Variants in NDUFAF5 observed in about 807,000 individuals in gnomAD.
NDUFAF5 encodes the protein arginine-hydroxylase NDUFAF5, mitochondrial.
A neutral mutation model predicts 48.9 loss-of-function variants in NDUFAF5; 34 were observed. The ratio of observed to expected loss-of-function variants is 0.70; its 90% CI spans 0.53 to 0.93. NDUFAF5 has a LOEUF of 0.93. NDUFAF5 is among the 40% of genes least tolerant of loss of function. The pLI is 0.00. For synonymous variants in NDUFAF5, 153 were observed against 150.6 expected, an observed-to-expected ratio of 1.02 and a Z score of -0.12; for missense variants, 428 against 427.5, an observed-to-expected ratio of 1.00 and a Z score of -0.01.
chr20:13,801,708 A>G lies in NDUFAF5; in HGVS notation c.717+25A>G, dbSNP rs778916896. On this transcript the variant is annotated intron_variant, in intron 7 of 10. Transcript: ENST00000378106. ...GGTAACTATCAAGTTCGATTAACCCATAACTTACACAGTTCAAAAAAGAAC... is the reference window on the plus strand; with the variant it reads ...GGTAACTATCAAGTTCGATTAACCCGTAACTTACACAGTTCAAAAAAGAAC... The G allele has an allele frequency of 7.5e-6, 12 of 1,590,468 alleles. No individual in the cohort carries two copies. In the African/African-American group the frequency reaches 1.5e-4, roughly 20 times the overall value.
chr20:13,802,527 A>C (rs1984331273), intron 7 of NDUFAF5, among the ~76,000 whole-genome samples: 1 of 151,784 alleles, frequency 6.6e-6, no homozygotes, highest in African/African-American at 2.4e-5. Flanking sequence ...AAAATCAGCG[A>C]ATTGTGGTGA....
At chr20:13,793,780 T>A (rs1368890386) in intron 4 of NDUFAF5, among the ~76,000 whole-genome samples, 1 of 152,240 alleles carries the variant, frequency 6.6e-6, no homozygotes, top group African/African-American at 2.4e-5. Context: ...TTCATTTTGA[T>A]GTTCATTTAA....
Position 13,785,310 on chromosome 20 carries a change from G to GGGC in NDUFAF5, c.222+26_222+28dup. 2 of 1,575,112 alleles carry GGGC rather than the reference G, an allele frequency of 1.3e-6. No individual in the cohort carries two copies. The highest frequency in any genetic ancestry group is 1.7e-6 in the Non-Finnish European group (2 of 1,155,770). On this transcript the variant is annotated intron_variant, in intron 1 of 10. Transcript: ENST00000378106. The stretch of plus-strand genomic sequence containing the variant: ...GAGGAGGTGAGCCCGCGGGGCGGCG[G>GGGC]GGCGGCGGGGCGGGCGACGCGGAGG...
intron 4 of NDUFAF5, 37 bp downstream of exon 4, chr20:13,793,264 G>C (rs777514164): frequency 6.7e-7 from 1 of 1,486,786 alleles, no homozygotes; most frequent in Non-Finnish European, 9.4e-7. Flanking sequence ...TTCTAATCTC[G>C]TGATGTGTTT....
rs1986661013 is a variant in NDUFAF5, at chr20:13,817,822, T to C, written c.*612T>C. The stretch of plus-strand genomic sequence containing the variant: ...CTCTGCACAGTCATCAGTTTATTGT[T>C]AAGCTTTCCTTTGTAATTTCAGGGC... On this transcript the variant is annotated 3_prime_UTR_variant, in exon 11 of 11. Coordinates refer to ENST00000378106, the MANE Select transcript of NDUFAF5 (RefSeq NM_024120.5). The C allele has an allele frequency of 4.6e-6, 1 of 216,258 alleles. No homozygotes were observed. The highest frequency in any genetic ancestry group is 2.9e-5 in the African/African-American group (1 of 34,886). The allele number at this position is 216,258 out of a possible 1,614,324, so 13.4% of individuals were successfully genotyped here. A position where few individuals can be genotyped will look rare whatever the true frequency, so the allele number is the denominator to read the frequency against.
At chr20:13,794,796 C>A in intron 4 of NDUFAF5, 42 bp from the exon 5 acceptor site, 1 of 1,166,360 alleles carries the variant, frequency 8.6e-7, no homozygotes, top group Non-Finnish European at 1.3e-6. Context: ...AATTGAGATT[C>A]TACATAAATG....
At chr20:13,786,572 A>G (rs1252617930) in intron 1 of NDUFAF5, among the ~76,000 whole-genome samples, 1 of 152,142 alleles carries the variant, frequency 6.6e-6, no homozygotes, top group Non-Finnish European at 1.5e-5. Flanking sequence ...AAAAACATCT[A>G]CGCTCCCTTC....
intron 8 of NDUFAF5, 157 bp from the exon 9 acceptor site, chr20:13,816,306 C>T (rs1226012739): frequency 4.3e-6 from 3 of 696,404 alleles, no homozygotes; most frequent in Admixed American, 2.0e-5. Flanking sequence ...ACTAAGAAAC[C>T]CAGTTATAAT....
At chr20:13,804,443 G>T (rs1984694446) in intron 7 of NDUFAF5, among the ~76,000 whole-genome samples, 1 of 151,320 alleles carries the variant, frequency 6.6e-6, no homozygotes. Context: ...TTTTAACAAG[G>T]ACTACTTTAT....
chr20:13,799,519 T>G (rs1983782984), intron 6 of NDUFAF5, among the ~76,000 whole-genome samples: 1 of 151,892 alleles, frequency 6.6e-6, no homozygotes. Flanking sequence ...GCCAACATGG[T>G]GAAACCCCGC....
At position 13,808,731 on chromosome 20, in the gene NDUFAF5, T is replaced by C. The variant is rs1055172464; in HGVS notation, c.718-111T>C. 2.9e-5 allele frequency: 20 copies of C among 678,002 alleles called. No homozygotes were observed. The African/African-American group carries it at 3.6e-4, about 12-fold the overall frequency. 42.0% of individuals were successfully genotyped at this position (678,002 alleles called of 1,614,324 possible). Reference sequence around the variant, plus strand: ...ACATCTATGAAGAATATTGTAAATATTTTTTGCTTAGCATGGGAGATTGGT... The same window carrying C: ...ACATCTATGAAGAATATTGTAAATACTTTTTGCTTAGCATGGGAGATTGGT... On this transcript the variant is annotated intron_variant, in intron 7 of 10. Coordinates refer to ENST00000378106, the MANE Select transcript of NDUFAF5 (RefSeq NM_024120.5).
chr20:13,787,083 G>A (rs989998695), intron 1 of NDUFAF5: 54 of 558,614 alleles, frequency 9.7e-5, no homozygotes, highest in Non-Finnish European at 1.3e-4. Context: ...GTGTGTGTGT[G>A]TATATGTATA....
At chr20:13,797,923 AT>A in intron 5 of NDUFAF5, among the ~76,000 whole-genome samples, 1 of 152,208 alleles carries the variant, frequency 6.6e-6, no homozygotes, top group Admixed American at 6.5e-5. Flanking sequence ...AGTCTTAAAA[AT>A]TGATTTTTTA....
intron 5 of NDUFAF5, among the ~76,000 whole-genome samples, chr20:13,797,459 G>T (rs1323037286): frequency 6.6e-6 from 1 of 152,150 alleles, no homozygotes; most frequent in East Asian, 1.9e-4. Context: ...ACTTAAATGC[G>T]TATTACTGAA....
intron 2 of NDUFAF5, 40 bp downstream of exon 2, chr20:13,787,392 G>C: frequency 1.9e-6 from 3 of 1,588,364 alleles, no homozygotes; most frequent in Non-Finnish European, 2.6e-6. Context: ...ATCAACTTTT[G>C]AGTGGAAATT....
chr20:13,785,109 CT>C lies in NDUFAF5; in HGVS notation c.43del (p.Trp15GlyfsTer30), dbSNP rs1980717772. Reference protein sequence around the residue: ...PAGLWRLCRRPWAARVPAENL... With the variant: ...PAGLWRLCRRXWAARVPAENL... The stretch of plus-strand genomic sequence containing the variant: ...GGGCTCTGGCGCTTATGTCGGCGAC[CT>C]TGGGCGGCGAGGGTCCCAGCGGAGA... On this transcript the variant is annotated frameshift_variant, in exon 1 of 11. Transcript: ENST00000378106. LOFTEE classifies it high-confidence loss of function. 6.2e-7 allele frequency: 1 copy of C among 1,613,478 alleles called. No individual in the cohort carries two copies. The highest frequency in any genetic ancestry group is 1.1e-5 in the South Asian group (1 of 91,072).
At chr20:13,816,986 T>G in intron 10 of NDUFAF5, 29 bp downstream of exon 10, 1 of 1,569,134 alleles carries the variant, frequency 6.4e-7, no homozygotes. Context: ...ATCACTTTTC[T>G]TAGTGGGTTC....
chr20:13,818,239 A>G lies in NDUFAF5; in HGVS notation c.*1029A>G, dbSNP rs1415828062. 2 of 454,116 alleles carry G rather than the reference A, an allele frequency of 4.4e-6. No homozygotes were observed. The highest frequency in any genetic ancestry group is 8.8e-6 in the Non-Finnish European group (2 of 226,790). The allele number at this position is 454,116 out of a possible 1,614,324, so 28.1% of individuals were successfully genotyped here. A position where few individuals can be genotyped will look rare whatever the true frequency, so the allele number is the denominator to read the frequency against. On this transcript the variant is annotated 3_prime_UTR_variant, in exon 11 of 11. Coordinates refer to ENST00000378106, the MANE Select transcript of NDUFAF5 (RefSeq NM_024120.5). ...CTTTCCACATAGTAGATATTCAGTTACATTTTGAACTAATTATATAACAAA... is the reference window on the plus strand; with the variant it reads ...CTTTCCACATAGTAGATATTCAGTTGCATTTTGAACTAATTATATAACAAA...
In NDUFAF5 at chr20:13,817,246, A is replaced by C. The variant is rs765667167; in HGVS notation, c.*36A>C. On this transcript the variant is annotated 3_prime_UTR_variant, in exon 11 of 11. Transcript: ENST00000378106. The stretch of plus-strand genomic sequence containing the variant: ...AGTGTTAATGTCGTCCAGAATTTTC[A>C]TCAGAAATGGATAGCTTTAACATCT... The C allele has an allele frequency of 5.5e-6, 8 of 1,455,318 alleles. No individual in the cohort carries two copies. The Admixed American group carries it at 1.2e-4, about 21-fold the overall frequency. 90.2% of individuals were successfully genotyped at this position (1,455,318 alleles called of 1,614,324 possible). A position where few individuals can be genotyped will look rare whatever the true frequency, so the allele number is the denominator to read the frequency against.
Sources: gnomAD v4.1 joint callset for allele counts (sites outside exome capture counted in the v4.1 genomes callset) on GRCh38, gnomAD v4.1.1 for gene constraint, MANE v1.5 for transcripts, NCBI Gene and HGNC (gene_info 2026-07-23, HGNC 2026-07-21) for gene names.